Variants in SLC60A2 observed in about 807,000 individuals in gnomAD.
The protein encoded by SLC60A2 is solute carrier family 60 member 2.
the SLC60A2 span, among the ~76,000 whole-genome samples, chr6:111,274,000 A>G: frequency 6.6e-6 from 1 of 150,592 alleles, no homozygotes; most frequent in Non-Finnish European, 1.5e-5. Context: ...AATTACAGGC[A>G]TGAGCCACTG....
At chr6:111,273,979 C>CA in the SLC60A2 span, among the ~76,000 whole-genome samples, 1 of 150,600 alleles carries the variant, frequency 6.6e-6, no homozygotes, top group African/African-American at 2.4e-5. Flanking sequence ...CTTGACCTCC[C>CA]AAAGTGCTGA....
At chr6:111,271,120 A>G in the SLC60A2 span, 1 of 143,792 alleles carries the variant, frequency 7.0e-6, no homozygotes, top group African/African-American at 2.6e-5. Flanking sequence ...TCACGCCAAG[A>G]TGGCGCCACT....
chr6:111,260,633 A>T, the SLC60A2 span, among the ~76,000 whole-genome samples: 1 of 152,026 alleles, frequency 6.6e-6, no homozygotes, highest in African/African-American at 2.4e-5. Context: ...GATAATTATG[A>T]TCCTGGGGGA....
chr6:111,259,768 G>C, the SLC60A2 span: 6 of 1,543,432 alleles, frequency 3.9e-6, no homozygotes, highest in Non-Finnish European at 5.2e-6. Context: ...CGGGGCGTTC[G>C]AGTCTTGCCT....
the SLC60A2 span, chr6:111,263,850 A>G: frequency 6.2e-7 from 1 of 1,603,190 alleles, no homozygotes; most frequent in African/African-American, 1.3e-5. Flanking sequence ...GTCGGCTACC[A>G]CCGTTGGTCT....
chr6:111,267,339 G>A, the SLC60A2 span: 14 of 465,432 alleles, frequency 3.0e-5, no homozygotes, highest in African/African-American at 9.8e-5. Flanking sequence ...TTGTTATAAC[G>A]CTATCATTTG....
chr6:111,265,826 A>C, the SLC60A2 span: 1 of 1,476,898 alleles, frequency 6.8e-7, no homozygotes, highest in South Asian at 1.4e-5. Flanking sequence ...TTTTTTTAAT[A>C]AGTAAGTAAC....
chr6:111,269,523 A>G, the SLC60A2 span: 1 of 152,034 alleles, frequency 6.6e-6, no homozygotes, highest in African/African-American at 2.4e-5. Context: ...TATAGTGTAA[A>G]TTTCCCTCAG....
chr6:111,262,915 C>T, the SLC60A2 span, among the ~76,000 whole-genome samples: 7 of 152,084 alleles, frequency 4.6e-5, no homozygotes, highest in Non-Finnish European at 8.8e-5. Context: ...CTCTGTCTCA[C>T]CCTGGAAATA....
the SLC60A2 span, chr6:111,266,297 G>A: frequency 1.2e-6 from 2 of 1,614,108 alleles, no homozygotes; most frequent in African/African-American, 1.3e-5. Context: ...TTGGAGCTGA[G>A]GTAACATATG....
the SLC60A2 span, among the ~76,000 whole-genome samples, chr6:111,279,439 G>A: frequency 5.9e-5 from 9 of 151,810 alleles, no homozygotes; most frequent in African/African-American, 9.7e-5. Context: ...TAGTAGAGAC[G>A]GGGTTTCACC....
the SLC60A2 span, chr6:111,271,291 A>G: frequency 2.0e-5 from 3 of 151,906 alleles, no homozygotes; most frequent in Non-Finnish European, 2.9e-5. Flanking sequence ...GTATTTTTCA[A>G]TTACTCTGTT....
the SLC60A2 span, chr6:111,267,575 A>G: frequency 6.5e-6 from 1 of 154,730 alleles, no homozygotes. Context: ...TAATCCCAGC[A>G]CTTTGGGAGG....
At chr6:111,262,027 G>A in the SLC60A2 span, among the ~76,000 whole-genome samples, 2 of 151,462 alleles carry the variant, frequency 1.3e-5, no homozygotes, top group African/African-American at 4.9e-5. Flanking sequence ...GTTCAGAAAG[G>A]AAACAGGATT....
chr6:111,265,627 GGTA>G, the SLC60A2 span, among the ~76,000 whole-genome samples: 12 of 152,238 alleles, frequency 7.9e-5, 1 homozygote, highest in East Asian at 2.1e-3. Context: ...GGTTCTAGGA[GGTA>G]GTAGTCTACT....
the SLC60A2 span, chr6:111,270,916 G>A: frequency 6.6e-6 from 1 of 152,016 alleles, no homozygotes; most frequent in East Asian, 1.9e-4. Context: ...GTGCTTACAG[G>A]TACAGCTAGT....
the SLC60A2 span, chr6:111,265,148 C>T: frequency 4.6e-5 from 15 of 325,228 alleles, no homozygotes; most frequent in African/African-American, 3.4e-4. Flanking sequence ...GCTTTCTACC[C>T]CTCCCTTCCC....
the SLC60A2 span, among the ~76,000 whole-genome samples, chr6:111,275,005 T>G: frequency 2.6e-5 from 4 of 151,976 alleles, no homozygotes; most frequent in African/African-American, 9.7e-5. Context: ...TCATTGCAGC[T>G]TCGGACTCCT....
chr6:111,271,692 C>T, the SLC60A2 span, among the ~76,000 whole-genome samples: 2,580 of 136,314 alleles, frequency 0.019, 31 homozygotes, highest in South Asian at 0.055. Flanking sequence ...AATCACAGCA[C>T]TTTGGGAGGC....
Sources: gnomAD v4.1 joint callset for allele counts (sites outside exome capture counted in the v4.1 genomes callset) on GRCh38, gnomAD v4.1.1 for gene constraint, MANE v1.5 for transcripts, NCBI Gene and HGNC (gene_info 2026-07-23, HGNC 2026-07-21) for gene names.